Variants in ASTN2 observed in about 807,000 individuals in gnomAD.
ASTN2 encodes astrotactin 2, also known as astrotactin-2.
In ASTN2, 54 loss-of-function variants were observed where a neutral mutation model predicts 139.8. The ratio of observed to expected loss-of-function variants is 0.39; its 90% CI spans 0.31 to 0.48. The LOEUF (loss-of-function observed/expected upper bound fraction) is 0.48. Among genes scored for constraint, ASTN2 ranks in the 20% least tolerant of loss-of-function variants. ASTN2 has a pLI of 0.95. For synonymous variants in ASTN2, 756 were observed against 719.5 expected (o/e 1.05, Z -0.81); for missense variants, 1,565 against 1,725.1 (o/e 0.91, Z 1.64).
At chr9:117,098,967 G>A (rs1164848963) in intron 4 of ASTN2, among the ~76,000 whole-genome samples, 4 of 151,832 alleles carry the variant, frequency 2.6e-5, no homozygotes, top group African/African-American at 9.7e-5. Flanking sequence ...AATTAGCCGG[G>A]TGTGGCAGCA....
intron 5 of ASTN2, among the ~76,000 whole-genome samples, chr9:117,093,243 A>C (rs1587954973): frequency 6.6e-6 from 1 of 152,280 alleles, no homozygotes; most frequent in East Asian, 1.9e-4. Flanking sequence ...TCCCCATAGT[A>C]AATCCAATGG....
chr9:117,031,213 G>A (rs1314639018), intron 6 of ASTN2, among the ~76,000 whole-genome samples: 4 of 152,078 alleles, frequency 2.6e-5, no homozygotes, highest in East Asian at 1.9e-4. Flanking sequence ...CATAGAAGAA[G>A]AGGCAGCCTC....
chr9:116,788,400 G>C (rs1014557989), intron 13 of ASTN2, among the ~76,000 whole-genome samples: 22 of 152,106 alleles, frequency 1.4e-4, no homozygotes, highest in Non-Finnish European at 2.5e-4. Flanking sequence ...TCCACAGTGA[G>C]CACATATGTC....
At chr9:117,295,881 C>T (rs1834719148) in intron 1 of ASTN2, among the ~76,000 whole-genome samples, 2 of 152,056 alleles carry the variant, frequency 1.3e-5, no homozygotes. Context: ...TGGACAGATT[C>T]ATGTCCCTCA....
intron 10 of ASTN2, among the ~76,000 whole-genome samples, chr9:116,869,604 C>A (rs1405600920): frequency 6.6e-6 from 1 of 152,122 alleles, no homozygotes; most frequent in Non-Finnish European, 1.5e-5. Flanking sequence ...TAATTAAATA[C>A]CTACCACACT....
intron 16 of ASTN2, among the ~76,000 whole-genome samples, chr9:116,693,643 C>T (rs577916622): frequency 1.3e-5 from 2 of 152,038 alleles, no homozygotes; most frequent in South Asian, 2.1e-4. Context: ...ACAAAGTGCA[C>T]AACAGGAAAC....
intron 16 of ASTN2, among the ~76,000 whole-genome samples, chr9:116,705,541 T>C (rs565018484): frequency 1.3e-5 from 2 of 152,192 alleles, no homozygotes; most frequent in Non-Finnish European, 2.9e-5. Flanking sequence ...TATAATGGCA[T>C]TGCATATTGT....
intron 4 of ASTN2, among the ~76,000 whole-genome samples, chr9:117,128,329 C>T (rs1159077115): frequency 1.0e-4 from 13 of 127,578 alleles, no homozygotes; most frequent in Admixed American, 8.2e-4. Context: ...GGCCAGATCC[C>T]ATCACTGCAC....
chr9:116,896,988 C>T (rs1194865194), intron 10 of ASTN2, among the ~76,000 whole-genome samples: 2 of 152,176 alleles, frequency 1.3e-5, no homozygotes, highest in African/African-American at 2.4e-5. Context: ...TATGGTCTCT[C>T]TGAGAGACTG....
At chr9:116,954,589 A>T (rs1359175548) in intron 10 of ASTN2, among the ~76,000 whole-genome samples, 1 of 152,224 alleles carries the variant, frequency 6.6e-6, no homozygotes, top group Non-Finnish European at 1.5e-5. Context: ...TAGCTTTGCC[A>T]TTACTGCAAG....
At chr9:117,036,138 A>T (rs565295954) in intron 6 of ASTN2, among the ~76,000 whole-genome samples, 3 of 152,310 alleles carry the variant, frequency 2.0e-5, no homozygotes, top group South Asian at 2.1e-4. Flanking sequence ...CAGATAGCTA[A>T]CTTGACTCTT....
intron 19 of ASTN2, among the ~76,000 whole-genome samples, chr9:116,548,102 C>A (rs1184084648): frequency 1.0e-5 from 1 of 99,724 alleles, no homozygotes; most frequent in East Asian, 2.8e-4. Context: ...AAAACCAAAG[C>A]ACTCTGTTTT....
intron 5 of ASTN2, among the ~76,000 whole-genome samples, chr9:117,051,763 G>A (rs1390682028): frequency 5.3e-5 from 8 of 152,138 alleles, no homozygotes; most frequent in Non-Finnish European, 1.2e-4. Flanking sequence ...CCACCATGCT[G>A]AAGGTTAGGA....
intron 16 of ASTN2, among the ~76,000 whole-genome samples, chr9:116,719,519 T>A (rs1027043275): frequency 6.6e-6 from 1 of 152,126 alleles, no homozygotes; most frequent in African/African-American, 2.4e-5. Context: ...AAACAGATAA[T>A]GGTGCTTCTC....
chr9:116,636,954 C>T (rs1015095350), intron 17 of ASTN2, among the ~76,000 whole-genome samples: 2 of 152,126 alleles, frequency 1.3e-5, no homozygotes, highest in African/African-American at 4.8e-5. Context: ...TTTGCCCTGC[C>T]CTTTGGTCCT....
chr9:116,875,482 AG>A (rs780252235), intron 10 of ASTN2, among the ~76,000 whole-genome samples: 1 of 152,238 alleles, frequency 6.6e-6, no homozygotes, highest in Non-Finnish European at 1.5e-5. Flanking sequence ...TAAAAGTGCA[AG>A]GAGAAGCAGC....
At chr9:116,990,749 C>T (rs1274596051) in intron 7 of ASTN2, among the ~76,000 whole-genome samples, 1 of 152,286 alleles carries the variant, frequency 6.6e-6, no homozygotes, top group Non-Finnish European at 1.5e-5. Context: ...TTTTACAAAA[C>T]ATTTTTACAG....
rs977595623 is a variant in ASTN2, at chr9:117,253,701, G to A, written c.630+37625C>T. On this transcript the variant is annotated intron_variant, in intron 2 of 22. Transcript: ENST00000313400. ...AGAATTACAGCAGTTGCCGGCAGTC[G>A]CTGTCCCTCTGACCAGGCAATATCT... is the stretch of plus-strand genomic sequence containing the variant. Among the ~76,000 whole-genome samples, 17 of 152,266 alleles carry A rather than the reference G, an allele frequency of 1.1e-4. No individual in the cohort carries two copies. In the East Asian group the frequency reaches 2.1e-3, roughly 19 times the overall value.
chr9:116,704,304 A>C (rs1168365369), intron 16 of ASTN2, among the ~76,000 whole-genome samples: 1 of 151,094 alleles, frequency 6.6e-6, no homozygotes, highest in Non-Finnish European at 1.5e-5. Flanking sequence ...CTTTGTTATA[A>C]CTGTGTTTTG....
Sources: allele counts gnomAD v4.1 joint callset (sites outside exome capture counted in the v4.1 genomes callset), GRCh38; gene constraint gnomAD v4.1.1; transcripts MANE v1.5; gene names NCBI Gene and HGNC (gene_info 2026-07-23, HGNC 2026-07-21).